PTPRK: variants seen among roughly 807,000 people sequenced by gnomAD.
PTPRK encodes the protein protein tyrosine phosphatase receptor type K.
A neutral mutation model predicts 178.0 loss-of-function variants in PTPRK; 75 were observed. The observed-to-expected ratio is 0.42, with a 90% CI of 0.35 to 0.51. The LOEUF (loss-of-function observed/expected upper bound fraction) is 0.51. PTPRK is among the 20% of genes least tolerant of loss of function. The probability of loss-of-function intolerance (pLI) is 0.02; values close to 1 mark genes in which losing one functional copy is unlikely to be tolerated. For synonymous variants in PTPRK, 637 were observed against 620.6 expected (o/e 1.03, Z -0.39); for missense variants, 1,441 against 1,797.8 (o/e 0.80, Z 3.59).
In PTPRK at chr6:128,283,022, G is replaced by GC. The variant is rs1422297218; in HGVS notation, c.495+39016dup. ...CAAGAAAGGGTGGTGCCTTCCCACA[G>GC]CAGTATTGCAACAAAACACCCCCAC... On this transcript the variant is annotated intron_variant, in intron 3 of 29. Transcript: ENST00000368226. Among the ~76,000 whole-genome samples, 4 of 152,276 alleles carry GC rather than the reference G, an allele frequency of 2.6e-5. No homozygotes were observed. The East Asian group carries it at 7.7e-4, about 29-fold the overall frequency.
chr6:127,990,102 A>T (rs1389673676), intron 21 of PTPRK, among the ~76,000 whole-genome samples: 1 of 152,114 alleles, frequency 6.6e-6, no homozygotes, highest in Non-Finnish European at 1.5e-5. Context: ...TGAGCTCACA[A>T]ACCCTACAAT....
intron 2 of PTPRK, among the ~76,000 whole-genome samples, chr6:128,371,875 CAAAA>C (rs879295294): frequency 7.6e-6 from 1 of 131,802 alleles, no homozygotes; most frequent in Admixed American, 7.6e-5. Context: ...GACCTTGTCT[CAAAA>C]AAAAAAAAAA....
intron 2 of PTPRK, among the ~76,000 whole-genome samples, chr6:128,334,172 A>C (rs1405065143): frequency 2.6e-5 from 4 of 152,204 alleles, no homozygotes; most frequent in Non-Finnish European, 4.4e-5. Context: ...TAACAGATAT[A>C]ATTAACAATA....
chr6:128,383,180 T>C (rs1191130317), intron 2 of PTPRK, among the ~76,000 whole-genome samples: 5 of 152,198 alleles, frequency 3.3e-5, no homozygotes, highest in Non-Finnish European at 5.9e-5. Flanking sequence ...TCGAAATCAG[T>C]GCTTATTACA....
intron 1 of PTPRK, among the ~76,000 whole-genome samples, chr6:128,435,042 AAGGC>A (rs1192223922): frequency 0.097 from 9,727 of 100,072 alleles, 1,031 homozygotes; most frequent in African/African-American, 0.29. Flanking sequence ...GGAAGGCAGG[AAGGC>A]AGGAAGGAAG....
At chr6:128,058,856 A>G (rs1395977383) in intron 13 of PTPRK, among the ~76,000 whole-genome samples, 2 of 151,912 alleles carry the variant, frequency 1.3e-5, no homozygotes, top group Non-Finnish European at 2.9e-5. Context: ...ATTTTTTTAT[A>G]TAGTGTGAGT....
intron 6 of PTPRK, among the ~76,000 whole-genome samples, chr6:128,210,369 A>G (rs1421748540): frequency 6.4e-5 from 3 of 46,716 alleles, no homozygotes; most frequent in East Asian, 2.2e-4. Context: ...ACTCCGGAGG[A>G]AAAAAAAAAA....
chr6:128,232,737 A>G (rs1157339509), intron 5 of PTPRK, among the ~76,000 whole-genome samples: 1 of 152,192 alleles, frequency 6.6e-6, no homozygotes, highest in Non-Finnish European at 1.5e-5. Flanking sequence ...TTCTGACATC[A>G]TTGTTCAAGT....
intron 13 of PTPRK, among the ~76,000 whole-genome samples, chr6:128,020,297 A>C (rs545512796): frequency 6.6e-6 from 1 of 152,314 alleles, no homozygotes; most frequent in African/African-American, 2.4e-5. Flanking sequence ...AGTACAAACA[A>C]ACAGTGCGGA....
At chr6:128,494,873 G>A (rs1584964955) in intron 1 of PTPRK, among the ~76,000 whole-genome samples, 1 of 152,298 alleles carries the variant, frequency 6.6e-6, no homozygotes, top group South Asian at 2.1e-4. Context: ...AGGGGAGAAA[G>A]TAAGAGCTGA....
intron 5 of PTPRK, among the ~76,000 whole-genome samples, chr6:128,234,235 C>T (rs9402025): frequency 0.035 from 5,282 of 152,256 alleles, 318 homozygotes; most frequent in East Asian, 0.31. Context: ...TGGATAAAAA[C>T]GCAAGTAATG....
chr6:128,064,942 T>C, intron 12 of PTPRK, 148 bp from the exon 13 acceptor site: 1 of 963,710 alleles, frequency 1.0e-6, no homozygotes, highest in Non-Finnish European at 1.4e-6. Context: ...CTTTAAAAAA[T>C]ATGCCCCCCT....
At chr6:128,115,765 A>G (rs1206579167) in intron 7 of PTPRK, among the ~76,000 whole-genome samples, 1 of 152,136 alleles carries the variant, frequency 6.6e-6, no homozygotes, top group Non-Finnish European at 1.5e-5. Flanking sequence ...CTGAATGTTA[A>G]TGTTCACATG....
At chr6:128,188,782 T>A (rs371261342) in intron 6 of PTPRK, among the ~76,000 whole-genome samples, 1 of 152,166 alleles carries the variant, frequency 6.6e-6, no homozygotes, top group Non-Finnish European at 1.5e-5. Context: ...GTCTTCTAAC[T>A]TCTGGTGGTG....
Position 128,067,759 on chromosome 6 carries a change from T to G in PTPRK, c.1917A>C (p.Pro639=), listed in dbSNP as rs746281308. Residue 639 remains proline, a synonymous_variant, in exon 12 of 30, where the codon CCA becomes CCC. Coordinates refer to ENST00000368226, the MANE Select transcript of PTPRK (RefSeq NM_002844.4). ...CTCCGGCTTCTCTCTTGGTTCGGTGTGGGTGCAGTTCTTCCACAACAATCT... is the reference window on the plus strand; with the variant it reads ...CTCCGGCTTCTCTCTTGGTTCGGTGGGGGTGCAGTTCTTCCACAACAATCT... ...AYQIVVEELH[P]HRTKREAGAM... is the part of the protein sequence containing the mutation. The G allele has an allele frequency of 1.6e-5, 25 of 1,610,578 alleles. No homozygotes were observed. Among genetic ancestry groups the G allele is most frequent in the Non-Finnish European group, 2.1e-5 (25 of 1,178,030 alleles).
chr6:128,431,021 C>A (rs1378871491), intron 1 of PTPRK, among the ~76,000 whole-genome samples: 2 of 149,046 alleles, frequency 1.3e-5, no homozygotes, highest in African/African-American at 2.5e-5. Context: ...TCACTGCAAC[C>A]TCTACCTCTC....
At chr6:128,254,198 G>C (rs1397785838) in intron 3 of PTPRK, among the ~76,000 whole-genome samples, 1 of 152,092 alleles carries the variant, frequency 6.6e-6, no homozygotes, top group African/African-American at 2.4e-5. Context: ...GTTGAATTTA[G>C]GGATAGAACG....
At chr6:128,299,291 C>T (rs1433855521) in intron 3 of PTPRK, among the ~76,000 whole-genome samples, 1 of 110,752 alleles carries the variant, frequency 9.0e-6, no homozygotes, top group Admixed American at 9.9e-5. Context: ...AATGGCCATA[C>T]TGCCCAAGGT....
At chr6:128,470,915 T>TC (rs1850565268) in intron 1 of PTPRK, among the ~76,000 whole-genome samples, 1 of 150,960 alleles carries the variant, frequency 6.6e-6, no homozygotes, top group East Asian at 1.9e-4. Flanking sequence ...TTCTTCCTTT[T>TC]TTTTTTTTTT....
Sources: gnomAD v4.1 joint callset for allele counts (sites outside exome capture counted in the v4.1 genomes callset) on GRCh38, gnomAD v4.1.1 for gene constraint, MANE v1.5 for transcripts, NCBI Gene and HGNC (gene_info 2026-07-23, HGNC 2026-07-21) for gene names.